Variants in CD6 observed in about 807,000 individuals in gnomAD.
CD6 encodes the protein T-cell differentiation antigen CD6.
A neutral mutation model predicts 75.3 loss-of-function variants in CD6; 53 were observed. That is an observed-to-expected ratio of 0.70 (90% CI 0.56 to 0.88). CD6 has a LOEUF of 0.88. CD6 is among the 40% of genes least tolerant of loss of function. CD6 has a pLI of 0.00. For synonymous variants in CD6, 359 were observed against 381.5 expected, an observed-to-expected ratio of 0.94 and a Z score of 0.69; for missense variants, 770 against 897.1, an observed-to-expected ratio of 0.86 and a Z score of 1.81.
intron 1 of CD6, among the ~76,000 whole-genome samples, chr11:60,995,869 G>A (rs1858275327): frequency 6.6e-6 from 1 of 152,172 alleles, no homozygotes; most frequent in South Asian, 2.1e-4. Flanking sequence ...GTTCTGAGTT[G>A]TGTCACCATT....
In CD6 at chr11:60,971,849, CAG is replaced by C; in HGVS notation, c.-13_-12del. On this transcript the variant is annotated 5_prime_UTR_variant, in exon 1 of 13. Coordinates refer to ENST00000313421, the MANE Select transcript of CD6 (RefSeq NM_006725.5). ...CCCACAGGCAGCCACGCGTAGCAGCCAGAGACAGCTCCAGACATGTGGCTCTT... is the reference window on the plus strand; with the variant it reads ...CCCACAGGCAGCCACGCGTAGCAGCCAGACAGCTCCAGACATGTGGCTCTT... 6.2e-7 allele frequency: 1 copy of C among 1,613,350 alleles called. No homozygotes were observed. Among genetic ancestry groups the C allele is most frequent in the Non-Finnish European group, 8.5e-7 (1 of 1,179,712 alleles).
Position 61,011,130 on chromosome 11 carries a change from C to T in CD6, c.1145C>T (p.Thr382Ile). Residue 382 changes from threonine to isoleucine, a missense_variant, in exon 6 of 13, where the codon ACT becomes ATT. Physicochemically the swap from Thr to Ile is moderately conservative, Grantham distance 89 (BLOSUM62 -1). Coordinates refer to ENST00000313421, the MANE Select transcript of CD6 (RefSeq NM_006725.5). ...PEVPASVQTV[T>I]IESSVTVKIE... is the part of the protein sequence containing the mutation. ...GTCCCTGCAAGTGTTCAGACAGTCA[C>T]TATAGGTAAGTGTTGCTGGGTACTA... The T allele has an allele frequency of 6.2e-7, 1 of 1,613,388 alleles. No individual in the cohort carries two copies. The highest frequency in any genetic ancestry group is 8.5e-7 in the Non-Finnish European group (1 of 1,179,778).
intron 11 of CD6, 76 bp from the exon 12 acceptor site, chr11:61,018,213 C>A: frequency 7.3e-7 from 1 of 1,365,886 alleles, no homozygotes; most frequent in African/African-American, 1.5e-5. Context: ...TCGTGAGTCA[C>A]GTGGGCCCCC....
At chr11:60,974,444 G>A (rs1416894897) in intron 1 of CD6, among the ~76,000 whole-genome samples, 2 of 152,110 alleles carry the variant, frequency 1.3e-5, no homozygotes, top group Non-Finnish European at 2.9e-5. Flanking sequence ...ACGTGGTTTC[G>A]CCACGTTGGC....
intron 4 of CD6, among the ~76,000 whole-genome samples, chr11:61,009,298 G>A (rs1022849488): frequency 2.6e-5 from 4 of 152,162 alleles, no homozygotes; most frequent in African/African-American, 7.2e-5. Context: ...TGTAGATTCT[G>A]ATTCAGTAGG....
chr11:61,010,312 T>C (rs987093841), intron 5 of CD6, among the ~76,000 whole-genome samples: 1 of 152,174 alleles, frequency 6.6e-6, no homozygotes, highest in Non-Finnish European at 1.5e-5. Flanking sequence ...ACTCTATGAG[T>C]TGGGTTCCAC....
At chr11:60,983,374 G>A (rs953046517) in intron 1 of CD6, among the ~76,000 whole-genome samples, 6 of 152,012 alleles carry the variant, frequency 3.9e-5, no homozygotes, top group Non-Finnish European at 5.9e-5. Flanking sequence ...TTACAGACGC[G>A]AGCCACTGCA....
chr11:60,999,038 G>T (rs1858447803), intron 1 of CD6, among the ~76,000 whole-genome samples: 1 of 151,962 alleles, frequency 6.6e-6, no homozygotes, highest in African/African-American at 2.4e-5. Context: ...CATGCCTGTA[G>T]TCCCAGCTAT....
chr11:61,006,518 T>A, intron 1 of CD6, 56 bp from the exon 2 acceptor site: 1 of 1,429,068 alleles, frequency 7.0e-7, no homozygotes, highest in Non-Finnish European at 9.6e-7. Flanking sequence ...AGGGTGTCTC[T>A]GTGGTCTCCA....
intron 1 of CD6, among the ~76,000 whole-genome samples, chr11:60,999,465 A>G (rs1414715208): frequency 6.6e-6 from 1 of 151,554 alleles, no homozygotes; most frequent in Non-Finnish European, 1.5e-5. Context: ...TGGGTCCTGG[A>G]AAACCTTCAG....
At position 61,020,102 on chromosome 11, in the gene CD6, C is replaced by A. The variant is rs1859602145; in HGVS notation, c.*784C>A. The A allele has an allele frequency of 2.5e-6, 1 of 398,630 alleles. No homozygotes were observed. Among genetic ancestry groups the A allele is most frequent in the African/African-American group, 2.1e-5 (1 of 48,620 alleles). 24.7% of individuals were successfully genotyped at this position (398,630 alleles called of 1,614,324 possible). A position where few individuals can be genotyped will look rare whatever the true frequency, so the allele number is the denominator to read the frequency against. On this transcript the variant is annotated 3_prime_UTR_variant, in exon 13 of 13. Transcript: ENST00000313421. ...CAAAGAGGGCCCCAGCCCAGCCCCA[C>A]CACAGATCCCAGAGATAGGGGCCCA...
intron 1 of CD6, among the ~76,000 whole-genome samples, chr11:60,978,236 C>G (rs1857435867): frequency 6.6e-6 from 1 of 152,202 alleles, no homozygotes; most frequent in African/African-American, 2.4e-5. Context: ...GGCATGGTGT[C>G]CCCTGACAAG....
intron 1 of CD6, 128 bp from the exon 2 acceptor site, chr11:61,006,446 C>G: frequency 1.4e-6 from 1 of 696,852 alleles, no homozygotes; most frequent in Non-Finnish European, 2.5e-6. Context: ...AGTTGAGGAC[C>G]ACGTCTTTTC....
At chr11:61,017,266 G>A in intron 9 of CD6, 1 of 579,242 alleles carries the variant, frequency 1.7e-6, no homozygotes, top group Non-Finnish European at 3.1e-6. Flanking sequence ...GGGCACTAGA[G>A]TTTCTGTCCC....
In CD6 at chr11:61,018,053, C is replaced by A. The variant is rs2134509950; in HGVS notation, c.1837+40C>A. 5 of 1,598,086 alleles carry A rather than the reference C, an allele frequency of 3.1e-6. No individual in the cohort carries two copies. In the African/African-American group the frequency reaches 5.4e-5, roughly 17 times the overall value. The stretch of plus-strand genomic sequence containing the variant: ...CCCCAAACCCCCATCCCATAGCCAG[C>A]CTGGCTGGAGGAGGCATAAAGCTGG... On this transcript the variant is annotated intron_variant, in intron 11 of 12. Coordinates refer to ENST00000313421, the MANE Select transcript of CD6 (RefSeq NM_006725.5).
At chr11:60,976,690 A>C (rs75962280) in intron 1 of CD6, among the ~76,000 whole-genome samples, 3 of 152,192 alleles carry the variant, frequency 2.0e-5, no homozygotes, top group African/African-American at 7.2e-5. Context: ...TGTTTTGCCA[A>C]AACATAAGAT....
rs999194034 is a variant in CD6, at chr11:61,018,280, G to C, written c.1838-9G>C. On this transcript the variant is annotated splice_polypyrimidine_tract_variant and intron_variant, in intron 11 of 12. Coordinates refer to ENST00000313421, the MANE Select transcript of CD6 (RefSeq NM_006725.5). ...CTGGCAGAGGGTGACTGGTTCTGGG[G>C]GTTTCCAGCAGGGCCCCCGGCTGAT... The C allele has an allele frequency of 3.8e-6, 6 of 1,587,036 alleles. No homozygotes were observed. The highest frequency in any genetic ancestry group is 5.1e-6 in the Non-Finnish European group (6 of 1,166,436).
At chr11:60,991,149 C>CTTTTTTTTTTTTTTTTT (rs58123378) in intron 1 of CD6, among the ~76,000 whole-genome samples, 20 of 114,708 alleles carry the variant, frequency 1.7e-4, no homozygotes, top group South Asian at 2.8e-4. Flanking sequence ...CTTTTTCTTT[C>CTTTTTTTTTTTTTTTTT]TTTTTTTTTT....
At chr11:61,006,236 G>A (rs1254540205) in intron 1 of CD6, among the ~76,000 whole-genome samples, 1 of 152,078 alleles carries the variant, frequency 6.6e-6, no homozygotes, top group East Asian at 1.9e-4. Flanking sequence ...TGAAAAATTG[G>A]GACTGGCACA....
Sources: allele counts gnomAD v4.1 joint callset (sites outside exome capture counted in the v4.1 genomes callset), GRCh38; gene constraint gnomAD v4.1.1; transcripts MANE v1.5; gene names NCBI Gene and HGNC (gene_info 2026-07-23, HGNC 2026-07-21).